The following KLF13 variants were observed in gnomAD, a reference collection of about 807,000 sequenced individuals.
KLF13 encodes KLF transcription factor 13, also known as Krueppel-like factor 13.
Under a neutral mutation model 16.7 loss-of-function variants are expected in KLF13, and 8 were observed. That is an observed-to-expected ratio of 0.48 (90% CI 0.28 to 0.87). The LOEUF (loss-of-function observed/expected upper bound fraction) is 0.87. KLF13 is among the 40% of genes least tolerant of loss of function. KLF13 has a pLI of 0.10. For missense variants in KLF13, 447 were observed against 452.2 expected (o/e 0.99, Z 0.10); for synonymous variants, 245 against 208.4 (o/e 1.18, Z -1.51).
intron 1 of KLF13, among the ~76,000 whole-genome samples, chr15:31,356,035 T>C (rs912162671): frequency 6.6e-6 from 1 of 152,056 alleles, no homozygotes; most frequent in Non-Finnish European, 1.5e-5. Flanking sequence ...TTCCTTTCCT[T>C]CTGACTTTTA....
intron 1 of KLF13, chr15:31,339,882 G>T (rs561033220): frequency 7.3e-5 from 50 of 687,680 alleles, no homozygotes; most frequent in African/African-American, 7.2e-4. Context: ...GCAGCAGCGG[G>T]CTCTCGTGCA....
chr15:31,404,787 C>T (rs537025532), downstream of KLF13: 2 of 152,456 alleles, frequency 1.3e-5, no homozygotes, highest in African/African-American at 4.8e-5. Flanking sequence ...AGGTCCAGGA[C>T]TTCATTCTTG....
chr15:31,359,529 A>C (rs2039349904), intron 1 of KLF13, among the ~76,000 whole-genome samples: 1 of 152,184 alleles, frequency 6.6e-6, no homozygotes, highest in African/African-American at 2.4e-5. Flanking sequence ...GTGTACATAC[A>C]CCACTTTGTT....
At position 31,377,889 on chromosome 15, in the gene KLF13, T is replaced by A. The variant is rs2039675455; in HGVS notation, c.*5590T>A. ...TACATTTTGAAATAAAATTTATGATTCATTATTTTATTTGCTGGAGCTAGT... is the reference window on the plus strand; with the variant it reads ...TACATTTTGAAATAAAATTTATGATACATTATTTTATTTGCTGGAGCTAGT... On this transcript the variant is annotated 3_prime_UTR_variant, in exon 2 of 2. Coordinates refer to ENST00000307145, the MANE Select transcript of KLF13 (RefSeq NM_015995.4). 3.3e-5 allele frequency: 5 copies of A among 152,584 alleles called. No individual in the cohort carries two copies. The South Asian group carries it at 1.0e-3, about 32-fold the overall frequency. 9.5% of individuals were successfully genotyped at this position (152,584 alleles called of 1,614,324 possible). A position where few individuals can be genotyped will look rare whatever the true frequency, so the allele number is the denominator to read the frequency against.
intron 1 of KLF13, among the ~76,000 whole-genome samples, chr15:31,331,799 G>A (rs141145584): frequency 5.7e-4 from 87 of 152,306 alleles, no homozygotes; most frequent in Non-Finnish European, 8.5e-4. Context: ...GTTACCCCGC[G>A]TTGGTGTTTT....
rs2039610939 is a variant in KLF13 at position 31,374,468 on chromosome 15, G to A, written c.*2169G>A. ...AGGGACCTTGACAGAAGAGAGCCCT[G>A]GGTGCTTGTGGTGCAAAGATCTTCA... On this transcript the variant is annotated 3_prime_UTR_variant, in exon 2 of 2. Transcript: ENST00000307145. 6.6e-6 allele frequency: 1 copy of A among 152,598 alleles called. No individual in the cohort carries two copies. The highest frequency in any genetic ancestry group is 1.5e-5 in the Non-Finnish European group (1 of 68,048). 9.5% of individuals were successfully genotyped at this position (152,598 alleles called of 1,614,324 possible).
rs1260583671 is a variant in KLF13 at position 31,374,056 on chromosome 15, C to G, written c.*1757C>G. On this transcript the variant is annotated 3_prime_UTR_variant, in exon 2 of 2. Coordinates refer to ENST00000307145, the MANE Select transcript of KLF13 (RefSeq NM_015995.4). Reference sequence around the variant, plus strand: ...TGTGGCCATCCTGCTTCTACTCAGCCCTGCCATGCTATGGGGTGCAGCACA... The same window carrying G: ...TGTGGCCATCCTGCTTCTACTCAGCGCTGCCATGCTATGGGGTGCAGCACA... 6.5e-6 allele frequency: 1 copy of G among 152,698 alleles called. No homozygotes were observed. The highest frequency in any genetic ancestry group is 1.5e-5 in the Non-Finnish European group (1 of 68,114). 9.5% of individuals were successfully genotyped at this position (152,698 alleles called of 1,614,324 possible). A position where few individuals can be genotyped will look rare whatever the true frequency, so the allele number is the denominator to read the frequency against.
chr15:31,368,940 T>C (rs1311392089), intron 1 of KLF13, among the ~76,000 whole-genome samples: 1 of 152,172 alleles, frequency 6.6e-6, no homozygotes, highest in Non-Finnish European at 1.5e-5. Flanking sequence ...CAACACTTCT[T>C]TTCTGATTTT....
chr15:31,335,469 GTGTGTGTAT>G (rs2038914489), intron 1 of KLF13, among the ~76,000 whole-genome samples: 4 of 82,840 alleles, frequency 4.8e-5, no homozygotes, highest in Non-Finnish European at 1.1e-4. Context: ...GTGTGTGTGT[GTGTGTGTAT>G]GGTGGCGGGG....
intron 1 of KLF13, among the ~76,000 whole-genome samples, chr15:31,414,340 C>A (rs942507913): frequency 6.6e-6 from 1 of 151,956 alleles, no homozygotes; most frequent in Non-Finnish European, 1.5e-5. Flanking sequence ...ATATGTAAGA[C>A]AAAAATAAAA....
chr15:31,337,683 G>GT (rs1444868483), intron 1 of KLF13, among the ~76,000 whole-genome samples: 17 of 152,230 alleles, frequency 1.1e-4, no homozygotes, highest in African/African-American at 4.1e-4. Flanking sequence ...GTAGGCAACT[G>GT]TAACACAATG....
chr15:31,338,061 C>T (rs1205819024), intron 1 of KLF13, among the ~76,000 whole-genome samples: 1 of 152,154 alleles, frequency 6.6e-6, no homozygotes, highest in East Asian at 1.9e-4. Context: ...GGAAATACAG[C>T]CTTGGCTACT....
At chr15:31,429,790 G>C (rs2040449156) in intron 1 of KLF13, among the ~76,000 whole-genome samples, 1 of 151,466 alleles carries the variant, frequency 6.6e-6, no homozygotes, top group African/African-American at 2.4e-5. Flanking sequence ...CTGGAGTGCA[G>C]TGGCGCAATC....
At chr15:31,392,528 C>T (rs539791726), upstream of KLF13, among the ~76,000 whole-genome samples, 1 of 152,326 alleles carries the variant, frequency 6.6e-6, no homozygotes, top group South Asian at 2.1e-4. Context: ...GACGGCGCAT[C>T]CTGGGTCCTC....
intron 1 of KLF13, among the ~76,000 whole-genome samples, chr15:31,351,339 C>T (rs982754280): frequency 5.3e-5 from 8 of 152,338 alleles, no homozygotes; most frequent in Admixed American, 2.0e-4. Context: ...TAACTTTAAT[C>T]CCACCACTCA....
At chr15:31,385,219 C>A (rs888928625) in intron 1 of KLF13, among the ~76,000 whole-genome samples, 3 of 152,184 alleles carry the variant, frequency 2.0e-5, no homozygotes, top group Non-Finnish European at 4.4e-5. Flanking sequence ...TTGTTTAAGT[C>A]ATCCAGTCTA....
intron 1 of KLF13, among the ~76,000 whole-genome samples, chr15:31,349,677 G>C (rs62037892): frequency 6.6e-6 from 1 of 152,188 alleles, no homozygotes; most frequent in Non-Finnish European, 1.5e-5. Flanking sequence ...GAAGTCCTCC[G>C]GGCCCATGTG....
In KLF13 at chr15:31,420,470, C is replaced by T. The variant is rs1402770504; in HGVS notation, n.118-14900C>T. 5 of 757,168 alleles carry T rather than the reference C, an allele frequency of 6.6e-6. No individual in the cohort carries two copies. In the East Asian group the frequency reaches 1.4e-4, roughly 21 times the overall value. The allele number at this position is 757,168 out of a possible 1,614,324, so 46.9% of individuals were successfully genotyped here. On this transcript the variant is annotated intron_variant and non_coding_transcript_variant, in intron 1 of 1. Transcript: ENST00000558225. Reference sequence around the variant, plus strand: ...CATAGACACCCAGGGTAACATATGCCTGGATATCTGGAAAGACAAGTCGTC... The same window carrying T: ...CATAGACACCCAGGGTAACATATGCTTGGATATCTGGAAAGACAAGTCGTC...
At chr15:31,356,677 T>C (rs1294736899) in intron 1 of KLF13, among the ~76,000 whole-genome samples, 5 of 152,236 alleles carry the variant, frequency 3.3e-5, no homozygotes, top group Non-Finnish European at 7.3e-5. Context: ...CTGAGGTTGA[T>C]TCACGTTTCT....
Sources: allele counts gnomAD v4.1 joint callset (sites outside exome capture counted in the v4.1 genomes callset), GRCh38; gene constraint gnomAD v4.1.1; transcripts MANE v1.5; gene names NCBI Gene and HGNC (gene_info 2026-07-23, HGNC 2026-07-21).